FILIP1L: variants seen among roughly 807,000 people sequenced by gnomAD.
FILIP1L encodes the protein filamin A interacting protein 1 like.
FILIP1L carries 55 observed loss-of-function variants against 96.6 expected under a neutral mutation model. The ratio of observed to expected loss-of-function variants is 0.57; its 90% CI spans 0.46 to 0.71. FILIP1L has a LOEUF of 0.71. Among genes scored for constraint, FILIP1L ranks in the 30% least tolerant of loss-of-function variants. The pLI, the probability that FILIP1L is intolerant of heterozygous loss-of-function variation, is 0.00. For synonymous variants in FILIP1L, 467 were observed against 473.9 expected (o/e 0.99, Z 0.19); for missense variants, 1,304 against 1,321.2 (o/e 0.99, Z 0.20).
chr3:99,844,141 G>A (rs1386354753), intron 5 of FILIP1L, among the ~76,000 whole-genome samples: 1 of 152,180 alleles, frequency 6.6e-6, no homozygotes, highest in East Asian at 1.9e-4. Flanking sequence ...AGCACTGGGA[G>A]AGAGTATCTT....
At chr3:99,876,165 G>C in intron 4 of FILIP1L, 1 of 985,594 alleles carries the variant, frequency 1.0e-6, no homozygotes, top group Non-Finnish European at 1.2e-6. Flanking sequence ...AGAGTCGCCC[G>C]AACAATGCGA....
At chr3:99,843,881 G>A (rs565622525) in intron 5 of FILIP1L, among the ~76,000 whole-genome samples, 2 of 152,162 alleles carry the variant, frequency 1.3e-5, no homozygotes, top group African/African-American at 4.8e-5. Context: ...ATAGGAGCAC[G>A]AACCCTATTG....
At chr3:99,878,235 A>G (rs1165502207) in intron 4 of FILIP1L, among the ~76,000 whole-genome samples, 1 of 152,186 alleles carries the variant, frequency 6.6e-6, no homozygotes, top group African/African-American at 2.4e-5. Context: ...AGGAACCAAT[A>G]TTAATAGCCC....
chr3:99,897,218 G>T (rs565164725), intron 4 of FILIP1L, among the ~76,000 whole-genome samples: 10 of 152,188 alleles, frequency 6.6e-5, no homozygotes, highest in Non-Finnish European at 8.8e-5. Flanking sequence ...AATTAACCGG[G>T]TGTTGTGGTG....
intron 1 of FILIP1L, among the ~76,000 whole-genome samples, chr3:100,013,292 G>A (rs1459972048): frequency 6.6e-6 from 1 of 152,014 alleles, no homozygotes; most frequent in Non-Finnish European, 1.5e-5. Flanking sequence ...CACCCAGGCT[G>A]GAGTGCAGTG....
chr3:99,975,248 A>G (rs1708935190), intron 1 of FILIP1L, among the ~76,000 whole-genome samples: 1 of 152,192 alleles, frequency 6.6e-6, no homozygotes, highest in South Asian at 2.1e-4. Flanking sequence ...CCATTCAACA[A>G]ATACATACTA....
At chr3:100,016,109 C>T (rs916790755) in intron 1 of FILIP1L, among the ~76,000 whole-genome samples, 1 of 152,028 alleles carries the variant, frequency 6.6e-6, no homozygotes, top group African/African-American at 2.4e-5. Flanking sequence ...CCTTGCAGGC[C>T]GTTTTGTGGA....
intron 1 of FILIP1L, among the ~76,000 whole-genome samples, chr3:99,932,951 C>G (rs896855871): frequency 6.6e-5 from 10 of 152,166 alleles, no homozygotes; most frequent in African/African-American, 2.4e-4. Flanking sequence ...TGAGGGAGCA[C>G]TTACTATGTG....
intron 1 of FILIP1L, among the ~76,000 whole-genome samples, chr3:99,958,498 AT>A (rs1190215481): frequency 6.6e-6 from 1 of 152,122 alleles, no homozygotes; most frequent in Non-Finnish European, 1.5e-5. Context: ...GAAAGGAGAC[AT>A]TTGAGAGCCA....
intron 1 of FILIP1L, among the ~76,000 whole-genome samples, chr3:100,033,615 A>G (rs907569718): frequency 1.3e-5 from 2 of 152,222 alleles, no homozygotes; most frequent in Non-Finnish European, 2.9e-5. Flanking sequence ...AAGTAGCCTG[A>G]AAAGCAGATA....
At chr3:100,104,780 G>T (rs2066366823) in intron 1 of FILIP1L, among the ~76,000 whole-genome samples, 1 of 152,108 alleles carries the variant, frequency 6.6e-6, no homozygotes, top group Admixed American at 6.6e-5. Flanking sequence ...AAAAAACAGG[G>T]ATGAAAAGAG....
chr3:99,975,201 A>G (rs147291731), intron 1 of FILIP1L, among the ~76,000 whole-genome samples: 5 of 152,314 alleles, frequency 3.3e-5, no homozygotes, highest in Admixed American at 2.0e-4. Context: ...AGGAATTTCT[A>G]TTTGTTCACA....
chr3:99,921,278 G>A (rs776547480), intron 4 of FILIP1L, among the ~76,000 whole-genome samples: 4 of 152,154 alleles, frequency 2.6e-5, no homozygotes, highest in African/African-American at 7.2e-5. Context: ...TCCTCTGAGC[G>A]TTTATTTACC....
At chr3:100,050,859 T>C (rs1378891483) in intron 1 of FILIP1L, among the ~76,000 whole-genome samples, 1 of 152,172 alleles carries the variant, frequency 6.6e-6, no homozygotes, top group Non-Finnish European at 1.5e-5. Context: ...TTAGCGGCTT[T>C]AACTTTGGAA....
intron 1 of FILIP1L, among the ~76,000 whole-genome samples, chr3:99,959,480 C>CTATATAAATATTTAA (rs1708431400): frequency 1.3e-5 from 2 of 152,038 alleles, no homozygotes; most frequent in African/African-American, 4.8e-5. Flanking sequence ...ATTTTATTTT[C>CTATATAAATATTTAA]TATATAAATA....
At chr3:99,863,297 G>A (rs1033006399) in intron 4 of FILIP1L, among the ~76,000 whole-genome samples, 12 of 152,200 alleles carry the variant, frequency 7.9e-5, no homozygotes, top group African/African-American at 2.9e-4. Flanking sequence ...AGTTCAGGCA[G>A]TAATGCTGCC....
chr3:100,032,156 A>G (rs2065032284), intron 1 of FILIP1L, among the ~76,000 whole-genome samples: 1 of 152,196 alleles, frequency 6.6e-6, no homozygotes, highest in African/African-American at 2.4e-5. Flanking sequence ...GTGTTAAAAC[A>G]TGGAGTAAAA....
chr3:100,081,572 T>A (rs1044091703), intron 1 of FILIP1L, among the ~76,000 whole-genome samples: 1 of 152,194 alleles, frequency 6.6e-6, no homozygotes, highest in Non-Finnish European at 1.5e-5. Context: ...AATAACATTG[T>A]GTAGTTTGGC....
At chr3:99,997,494 G>A (rs1159911278) in intron 1 of FILIP1L, among the ~76,000 whole-genome samples, 1 of 152,178 alleles carries the variant, frequency 6.6e-6, no homozygotes, top group East Asian at 1.9e-4. Flanking sequence ...TGATACCCCA[G>A]TGGTTCTCAA....
Sources: gnomAD v4.1 joint callset for allele counts (sites outside exome capture counted in the v4.1 genomes callset) on GRCh38, gnomAD v4.1.1 for gene constraint, MANE v1.5 for transcripts, NCBI Gene and HGNC (gene_info 2026-07-23, HGNC 2026-07-21) for gene names.